The following ST3GAL3 variants were observed in gnomAD, a reference collection of about 807,000 sequenced individuals.
The protein encoded by ST3GAL3 is CMP-N-acetylneuraminate-beta-1,4-galactoside alpha-2,3-sialyltransferase.
Under a neutral mutation model 50.1 loss-of-function variants are expected in ST3GAL3, and 21 were observed. That is an observed-to-expected ratio of 0.42 (90% CI 0.30 to 0.60). The LOEUF (loss-of-function observed/expected upper bound fraction) is 0.60, where lower values mean the gene tolerates loss of function less well. Among genes scored for constraint, ST3GAL3 ranks in the 20% least tolerant of loss-of-function variants. ST3GAL3 has a pLI of 0.19. For synonymous variants in ST3GAL3, 183 were observed against 190.0 expected (o/e 0.96, Z 0.30); for missense variants, 353 against 489.4 (o/e 0.72, Z 2.63).
intron 3 of ST3GAL3, 51 bp from the exon 4 acceptor site, chr1:43,814,840 A>G (rs1425949067): frequency 6.4e-7 from 1 of 1,572,058 alleles, no homozygotes; most frequent in East Asian, 2.2e-5. Flanking sequence ...GCAATATGCT[A>G]GTATCATCAG....
chr1:43,868,463 G>A (rs758691164), intron 5 of ST3GAL3, among the ~76,000 whole-genome samples: 37 of 152,004 alleles, frequency 2.4e-4, no homozygotes, highest in Middle Eastern at 6.8e-3. Context: ...CCTAGCTTTA[G>A]TCCCATAGGC....
At chr1:43,787,155 G>C (rs1168759366) in intron 2 of ST3GAL3, among the ~76,000 whole-genome samples, 3 of 152,230 alleles carry the variant, frequency 2.0e-5, no homozygotes, top group African/African-American at 7.2e-5. Flanking sequence ...GTCATGTGCA[G>C]CAAGGCTGTG....
At chr1:43,896,258 G>A (rs1197005514) in intron 6 of ST3GAL3, among the ~76,000 whole-genome samples, 1 of 151,444 alleles carries the variant, frequency 6.6e-6, no homozygotes. Flanking sequence ...AGAAATCCAA[G>A]GGATACTTCT....
At chr1:43,894,691 G>A (rs1163583732) in intron 6 of ST3GAL3, among the ~76,000 whole-genome samples, 1 of 151,246 alleles carries the variant, frequency 6.6e-6, no homozygotes, top group African/African-American at 2.4e-5. Flanking sequence ...CCAGGCTAAA[G>A]TGCAGTGGCA....
intron 1 of ST3GAL3, among the ~76,000 whole-genome samples, chr1:43,715,558 A>G (rs1666962532): frequency 2.0e-5 from 3 of 150,870 alleles, no homozygotes; most frequent in African/African-American, 7.3e-5. Flanking sequence ...CCTGGGGGAC[A>G]GAGTGAGACT....
chr1:43,901,645 G>A (rs1044136972), intron 9 of ST3GAL3, among the ~76,000 whole-genome samples: 3 of 152,212 alleles, frequency 2.0e-5, no homozygotes, highest in South Asian at 2.1e-4. Context: ...GGAGCTCTCC[G>A]CCTGGCCTGG....
At chr1:43,753,508 G>A (rs942457277) in intron 2 of ST3GAL3, among the ~76,000 whole-genome samples, 2 of 152,204 alleles carry the variant, frequency 1.3e-5, no homozygotes, top group Non-Finnish European at 2.9e-5. Context: ...TCAGTAGGCT[G>A]TGGACCATAC....
chr1:43,758,995 G>A (rs1322930324), intron 2 of ST3GAL3, among the ~76,000 whole-genome samples: 2 of 150,790 alleles, frequency 1.3e-5, no homozygotes, highest in East Asian at 2.0e-4. Flanking sequence ...AGTAAGTTAT[G>A]ATCATATCAC....
At chr1:43,824,249 T>C (rs2062473095) in intron 4 of ST3GAL3, among the ~76,000 whole-genome samples, 1 of 152,026 alleles carries the variant, frequency 6.6e-6, no homozygotes, top group African/African-American at 2.4e-5. Context: ...GACTGTCAGG[T>C]GGCCCCTTCC....
At chr1:43,864,382 A>G (rs984637944) in intron 5 of ST3GAL3, among the ~76,000 whole-genome samples, 2 of 152,196 alleles carry the variant, frequency 1.3e-5, no homozygotes, top group African/African-American at 4.8e-5. Context: ...CCCTAACCAA[A>G]CTGCAGGCAG....
At chr1:43,883,202 CA>C (rs1479190836) in intron 5 of ST3GAL3, among the ~76,000 whole-genome samples, 1 of 152,108 alleles carries the variant, frequency 6.6e-6, no homozygotes, top group Admixed American at 6.5e-5. Flanking sequence ...CTCCTAGGTT[CA>C]AACAGTTCTC....
chr1:43,712,629 C>A (rs145419018), intron 1 of ST3GAL3, among the ~76,000 whole-genome samples: 2 of 152,170 alleles, frequency 1.3e-5, no homozygotes, highest in Non-Finnish European at 2.9e-5. Flanking sequence ...CTTCTAAAAG[C>A]GCACCTGATA....
In ST3GAL3 at chr1:43,930,838, T is replaced by C. The variant is rs968165231; in HGVS notation, c.*617T>C. 1.7e-5 allele frequency: 3 copies of C among 175,274 alleles called. No individual in the cohort carries two copies. The highest frequency in any genetic ancestry group is 3.7e-5 in the Non-Finnish European group (3 of 80,890). 10.9% of individuals were successfully genotyped at this position (175,274 alleles called of 1,614,324 possible). ...CCACTCACCAGCCCTAGCTGTCCCA[T>C]GGGGAAACCCTGGAGCCATCCCTTC... On this transcript the variant is annotated 3_prime_UTR_variant, in exon 12 of 12. Transcript: ENST00000347631.
chr1:43,727,783 A>C (rs1348325021), intron 1 of ST3GAL3, among the ~76,000 whole-genome samples: 1 of 152,062 alleles, frequency 6.6e-6, no homozygotes, highest in Non-Finnish European at 1.5e-5. Flanking sequence ...GTGTCTCAAA[A>C]ATTTTTTTTT....
intron 2 of ST3GAL3, among the ~76,000 whole-genome samples, chr1:43,767,052 G>A (rs187647749): frequency 3.3e-5 from 5 of 152,218 alleles, no homozygotes; most frequent in African/African-American, 9.6e-5. Context: ...AGAGAAATGT[G>A]GTCGGATTTG....
intron 5 of ST3GAL3, among the ~76,000 whole-genome samples, chr1:43,846,576 A>G (rs1052231321): frequency 1.3e-5 from 2 of 152,154 alleles, no homozygotes; most frequent in South Asian, 2.1e-4. Context: ...GGAGCAGCCT[A>G]TCTTTTTAAC....
intron 9 of ST3GAL3, among the ~76,000 whole-genome samples, chr1:43,907,553 C>T (rs986934348): frequency 6.6e-6 from 1 of 152,170 alleles, no homozygotes; most frequent in Non-Finnish European, 1.5e-5. Context: ...TCCAGCTGCA[C>T]AGGGAAAATA....
rs767723120 is a variant in ST3GAL3, at chr1:43,724,202, T to TTTTA, written c.-30-12011_-30-12008dup. On this transcript the variant is annotated intron_variant, in intron 1 of 11. Transcript: ENST00000347631. ...GTTGGGGAATATAATTGTAAATATA[T>TTTTA]TTTATTTATTTATTTATTTATTTTT... Among the ~76,000 whole-genome samples the TTTTA allele has an allele frequency of 2.2e-4, 33 of 152,010 alleles. No homozygotes were observed. In the South Asian group the frequency reaches 2.5e-3, roughly 11 times the overall value.
At chr1:43,740,569 T>G (rs974493352) in intron 2 of ST3GAL3, among the ~76,000 whole-genome samples, 5 of 151,780 alleles carry the variant, frequency 3.3e-5, no homozygotes, top group African/African-American at 1.2e-4. Context: ...GAGGATTTCT[T>G]GAGGCTGGGG....
Sources: allele counts gnomAD v4.1 joint callset (sites outside exome capture counted in the v4.1 genomes callset), GRCh38; gene constraint gnomAD v4.1.1; transcripts MANE v1.5; gene names NCBI Gene and HGNC (gene_info 2026-07-23, HGNC 2026-07-21).